The following DGKI variants were observed in gnomAD, a reference collection of about 807,000 sequenced individuals.
The protein encoded by DGKI is diacylglycerol kinase iota, also known as DAG kinase iota.
DGKI carries 55 observed loss-of-function variants against 147.5 expected under a neutral mutation model. The observed-to-expected ratio is 0.37, with a 90% CI of 0.30 to 0.47. DGKI has a LOEUF of 0.47. DGKI is among the 20% of genes least tolerant of loss of function. DGKI has a pLI of 1.00. For missense variants in DGKI, 1,007 were observed against 1,323.8 expected, an observed-to-expected ratio of 0.76 and a Z score of 3.71; for synonymous variants, 469 against 477.1, an observed-to-expected ratio of 0.98 and a Z score of 0.22.
intron 1 of DGKI, among the ~76,000 whole-genome samples, chr7:137,787,058 G>T (rs539315420): frequency 3.9e-5 from 6 of 152,258 alleles, no homozygotes; most frequent in Middle Eastern, 6.8e-3. Flanking sequence ...TCTAGACATT[G>T]GCTTAGCCAA....
At chr7:137,690,297 G>C (rs375798495) in intron 1 of DGKI, among the ~76,000 whole-genome samples, 2 of 151,846 alleles carry the variant, frequency 1.3e-5, no homozygotes, top group East Asian at 3.9e-4. Context: ...CAAAGGTCTT[G>C]ACTCTTCATT....
At chr7:137,807,196 C>T (rs1166519566) in intron 1 of DGKI, among the ~76,000 whole-genome samples, 1 of 152,168 alleles carries the variant, frequency 6.6e-6, no homozygotes, top group Non-Finnish European at 1.5e-5. Context: ...CATAATGGTT[C>T]CCAAATACTT....
chr7:137,633,355 C>A (rs567167744), intron 6 of DGKI, among the ~76,000 whole-genome samples: 63 of 152,226 alleles, frequency 4.1e-4, no homozygotes, highest in African/African-American at 1.5e-3. Context: ...ACTGGCACAA[C>A]CCCAAGACTG....
intron 1 of DGKI, among the ~76,000 whole-genome samples, chr7:137,842,290 T>C (rs112330775): frequency 7.9e-5 from 12 of 152,340 alleles, no homozygotes; most frequent in Non-Finnish European, 1.6e-4. Flanking sequence ...AATATCTTTC[T>C]TGTAATAACA....
intron 21 of DGKI, among the ~76,000 whole-genome samples, chr7:137,520,474 T>G (rs1249755086): frequency 6.6e-6 from 1 of 152,030 alleles, no homozygotes; most frequent in East Asian, 1.9e-4. Context: ...TCACTTAGAT[T>G]AGAAAATGTA....
At chr7:137,513,462 C>A (rs1284012802) in intron 21 of DGKI, among the ~76,000 whole-genome samples, 1 of 152,134 alleles carries the variant, frequency 6.6e-6, no homozygotes, top group East Asian at 1.9e-4. Flanking sequence ...CTACTATATT[C>A]TTTTATAGTC....
chr7:137,844,426 C>T (rs545962674), intron 1 of DGKI, among the ~76,000 whole-genome samples: 31 of 152,280 alleles, frequency 2.0e-4, no homozygotes, highest in African/African-American at 6.7e-4. Flanking sequence ...GCATAAACAT[C>T]GCCTGAGGAG....
chr7:137,586,299 G>A (rs1451921249), intron 13 of DGKI, among the ~76,000 whole-genome samples: 3 of 152,034 alleles, frequency 2.0e-5, no homozygotes. Context: ...AGGGTGGCGG[G>A]CACCTGTAAT....
At chr7:137,815,408 C>T (rs535804331) in intron 1 of DGKI, among the ~76,000 whole-genome samples, 4 of 152,098 alleles carry the variant, frequency 2.6e-5, no homozygotes, top group South Asian at 2.1e-4. Context: ...CCTAAGAAGT[C>T]GGGGGTTGAG....
intron 11 of DGKI, among the ~76,000 whole-genome samples, chr7:137,598,784 G>A (rs1272679943): frequency 6.6e-6 from 1 of 151,938 alleles, no homozygotes; most frequent in Non-Finnish European, 1.5e-5. Flanking sequence ...AAAATCTTAA[G>A]AAAAATAAGC....
At chr7:137,672,943 C>T (rs926890480) in intron 3 of DGKI, among the ~76,000 whole-genome samples, 3 of 151,936 alleles carry the variant, frequency 2.0e-5, no homozygotes, top group Admixed American at 6.6e-5. Flanking sequence ...ATCACTACCC[C>T]GGCTAATTTT....
At chr7:137,557,175 C>A (rs1051379981) in intron 19 of DGKI, among the ~76,000 whole-genome samples, 4 of 152,122 alleles carry the variant, frequency 2.6e-5, no homozygotes, top group African/African-American at 4.8e-5. Context: ...CTCTCTCCCC[C>A]ACTCACACAC....
chr7:137,719,626 C>T (rs1794486063), intron 1 of DGKI, among the ~76,000 whole-genome samples: 1 of 152,184 alleles, frequency 6.6e-6, no homozygotes, highest in Non-Finnish European at 1.5e-5. Flanking sequence ...CACCTGGGTG[C>T]TTGCAAATCA....
At chr7:137,562,551 G>C (rs576688280) in intron 19 of DGKI, among the ~76,000 whole-genome samples, 1 of 151,998 alleles carries the variant, frequency 6.6e-6, no homozygotes, top group African/African-American at 2.4e-5. Context: ...ATAAAAAAGA[G>C]CATAAGGTAA....
At chr7:137,663,404 A>C (rs971627455) in intron 3 of DGKI, among the ~76,000 whole-genome samples, 1 of 152,246 alleles carries the variant, frequency 6.6e-6, no homozygotes, top group African/African-American at 2.4e-5. Context: ...CAAATTCTTT[A>C]ATTTGGGCTT....
At chr7:137,415,277 A>G (rs1350942801) in intron 28 of DGKI, among the ~76,000 whole-genome samples, 5 of 152,218 alleles carry the variant, frequency 3.3e-5, no homozygotes, top group Non-Finnish European at 7.3e-5. Context: ...AATAATAATA[A>G]TGATACAACA....
intron 20 of DGKI, among the ~76,000 whole-genome samples, chr7:137,522,712 T>C (rs1817005622): frequency 6.6e-6 from 1 of 152,132 alleles, no homozygotes; most frequent in South Asian, 2.1e-4. Flanking sequence ...TCCCCAAATG[T>C]CTGTAACTCG....
intron 1 of DGKI, among the ~76,000 whole-genome samples, chr7:137,729,032 G>A (rs1190398394): frequency 6.6e-6 from 1 of 152,056 alleles, no homozygotes; most frequent in East Asian, 1.9e-4. Context: ...ATTAATTCTG[G>A]CCTAGAGAAG....
At chr7:137,721,904 A>G (rs1794568294) in intron 1 of DGKI, 2 of 855,566 alleles carry the variant, frequency 2.3e-6, no homozygotes, top group Non-Finnish European at 3.5e-6. Context: ...CCTAATTCCA[A>G]TCCTCCATCA....
Sources: allele counts gnomAD v4.1 joint callset (sites outside exome capture counted in the v4.1 genomes callset), GRCh38; gene constraint gnomAD v4.1.1; transcripts MANE v1.5; gene names NCBI Gene and HGNC (gene_info 2026-07-23, HGNC 2026-07-21).